ZFHX3: variants seen among roughly 807,000 people sequenced by gnomAD.
The protein encoded by ZFHX3 is zinc finger homeobox 3.
In ZFHX3, 42 loss-of-function variants were observed where a neutral mutation model predicts 279.1. The ratio of observed to expected loss-of-function variants is 0.15; its 90% CI spans 0.12 to 0.19. The LOEUF (loss-of-function observed/expected upper bound fraction) is 0.19, where lower values mean the gene tolerates loss of function less well. ZFHX3 is among the 10% of genes least tolerant of loss of function. The probability of loss-of-function intolerance (pLI) is 1.00; values close to 1 mark genes in which losing one functional copy is unlikely to be tolerated. For synonymous variants in ZFHX3, 2,293 were observed against 1,957.8 expected (o/e 1.17, Z -4.52); for missense variants, 4,981 against 4,754.0 (o/e 1.05, Z -1.40).
At chr16:73,334,172 A>T (rs2015861981) in intron 3 of ZFHX3, among the ~76,000 whole-genome samples, 1 of 152,132 alleles carries the variant, frequency 6.6e-6, no homozygotes, top group Admixed American at 6.5e-5. Context: ...CCAGAGGAGG[A>T]CAGCGTTCTA....
rs76522402 is a variant in ZFHX3, at chr16:72,907,299, T to C, written c.3217-17337A>G. ...ACTGGTATTTTTATAATGGTCTTTCTTCCGGCTTTGATTCATTCATTCATT... is the reference window on the plus strand; with the variant it reads ...ACTGGTATTTTTATAATGGTCTTTCCTCCGGCTTTGATTCATTCATTCATT... On this transcript the variant is annotated intron_variant, in intron 3 of 9. Coordinates refer to ENST00000268489, the MANE Select transcript of ZFHX3 (RefSeq NM_006885.4). Among the ~76,000 whole-genome samples the C allele has an allele frequency of 1.6e-3, 240 of 152,322 alleles. 1 individual carries two copies. Among genetic ancestry groups the C allele is most frequent in the African/African-American group, 5.2e-3 (216 of 41,572 alleles).
At chr16:73,334,473 CCA>C (rs1441667018) in intron 3 of ZFHX3, among the ~76,000 whole-genome samples, 7 of 152,250 alleles carry the variant, frequency 4.6e-5, no homozygotes, top group Non-Finnish European at 8.8e-5. Flanking sequence ...CTCCAGGAGA[CCA>C]CTTCAGCTCT....
intron 2 of ZFHX3, among the ~76,000 whole-genome samples, chr16:73,573,783 T>C (rs1369099202): frequency 6.6e-6 from 1 of 152,208 alleles, no homozygotes; most frequent in Non-Finnish European, 1.5e-5. Flanking sequence ...CCTGTGTATA[T>C]GAATAGAAAA....
intron 2 of ZFHX3, among the ~76,000 whole-genome samples, chr16:73,458,809 C>T (rs1463195106): frequency 6.6e-6 from 1 of 152,176 alleles, no homozygotes; most frequent in African/African-American, 2.4e-5. Flanking sequence ...ACTCTTTTCC[C>T]TGTTTTAAAT....
At chr16:73,625,153 C>T (rs1308416155) in intron 2 of ZFHX3, among the ~76,000 whole-genome samples, 5 of 152,210 alleles carry the variant, frequency 3.3e-5, no homozygotes, top group Non-Finnish European at 7.3e-5. Flanking sequence ...ACATACCATA[C>T]TTTTATTTGC....
At chr16:72,879,107 G>A (rs954581104) in intron 4 of ZFHX3, among the ~76,000 whole-genome samples, 7 of 152,152 alleles carry the variant, frequency 4.6e-5, no homozygotes, top group Non-Finnish European at 1.0e-4. Context: ...AGTGAAGGAC[G>A]GGCTCCGAAT....
intron 8 of ZFHX3, 35 bp from the exon 9 acceptor site, chr16:72,798,749 TAAAG>T (rs775011013): frequency 6.6e-7 from 1 of 1,510,026 alleles, no homozygotes; most frequent in South Asian, 1.4e-5. Context: ...AACCCAAAGA[TAAAG>T]AAGGCTTTGT....
In ZFHX3 at chr16:72,797,970, T is replaced by C. The variant is rs1232621310; in HGVS notation, c.4712A>G (p.His1571Arg). 2.5e-6 allele frequency: 4 copies of C among 1,614,118 alleles called. No homozygotes were observed. The highest frequency in any genetic ancestry group is 2.2e-5 in the East Asian group (1 of 44,900). Reference protein sequence around the residue: ...LVHYNSVSHLHKLKRALQESA... With the variant: ...LVHYNSVSHLRKLKRALQESA... ...TTCTTGAAGGGCTCTCTTTAACTTA[T>C]GCAGGTGGGAGACAGAATTGTAGTG... The change falls in exon 9 of 10, where the codon CAT (histidine) becomes CGT (arginine). Residue 1571 changes from histidine (H) to arginine (R), a missense_variant. Physicochemically the swap from His to Arg is conservative, Grantham distance 29 (BLOSUM62 0). Coordinates refer to ENST00000268489, the MANE Select transcript of ZFHX3 (RefSeq NM_006885.4).
At chr16:73,804,308 A>T (rs1175782596) in intron 1 of ZFHX3, among the ~76,000 whole-genome samples, 1 of 152,230 alleles carries the variant, frequency 6.6e-6, no homozygotes, top group Non-Finnish European at 1.5e-5. Flanking sequence ...TAACAACACA[A>T]TTAAAATACT....
At chr16:73,671,330 G>GA (rs1046931434) in intron 2 of ZFHX3, among the ~76,000 whole-genome samples, 32 of 152,286 alleles carry the variant, frequency 2.1e-4, no homozygotes, top group Middle Eastern at 3.4e-3. Flanking sequence ...GAGGAAAGCG[G>GA]AGCAAAGCCA....
chr16:73,379,798 G>A (rs1332704294), intron 3 of ZFHX3, among the ~76,000 whole-genome samples: 1 of 152,162 alleles, frequency 6.6e-6, no homozygotes, highest in African/African-American at 2.4e-5. Context: ...ACTCTGCAGG[G>A]CACTAATAAT....
chr16:73,637,423 G>A (rs2052537512), intron 2 of ZFHX3, among the ~76,000 whole-genome samples: 1 of 151,606 alleles, frequency 6.6e-6, no homozygotes, highest in Non-Finnish European at 1.5e-5. Flanking sequence ...ACTAGAGACG[G>A]GGTTTCACTA....
chr16:73,819,699 T>C (rs1490165185), intron 1 of ZFHX3, among the ~76,000 whole-genome samples: 1 of 150,828 alleles, frequency 6.6e-6, no homozygotes, highest in Non-Finnish European at 1.5e-5. Context: ...AAGGCAAGAG[T>C]AGGATGGGGG....
chr16:73,465,631 A>C (rs1286877178), intron 2 of ZFHX3, among the ~76,000 whole-genome samples: 2 of 152,146 alleles, frequency 1.3e-5, no homozygotes, highest in African/African-American at 4.8e-5. Flanking sequence ...CCTGCACCCC[A>C]GGTGAGGAGC....
chr16:73,091,055 C>G (rs1966072438), intron 8 of ZFHX3, among the ~76,000 whole-genome samples: 2 of 151,396 alleles, frequency 1.3e-5, no homozygotes, highest in African/African-American at 4.9e-5. Context: ...ACTAAAAATA[C>G]AAAAAATTAA....
In ZFHX3 at chr16:73,261,668, G is replaced by GTTTTTTTTTTTTT. The variant is rs1187489542; in HGVS notation, c.-1193-4545_-1193-4533dup. The stretch of plus-strand genomic sequence containing the variant: ...TATAAATATAAACATTCCTGTGATT[G>GTTTTTTTTTTTTT]TTTTTTTTTTTTTTTTTTTTTTTTA... On this transcript the variant is annotated intron_variant, in intron 4 of 17. Transcript: ENST00000641206. 1.4e-4 allele frequency among the ~76,000 whole-genome samples: 11 copies of GTTTTTTTTTTTTT among 80,702 alleles called. 1 individual carries two copies. The highest frequency in any genetic ancestry group is 2.0e-4 in the Non-Finnish European group (9 of 44,286). 52.9% of individuals were successfully genotyped at this position (80,702 alleles called of 152,430 possible). A position where few individuals can be genotyped will look rare whatever the true frequency, so the allele number is the denominator to read the frequency against.
intron 1 of ZFHX3, among the ~76,000 whole-genome samples, chr16:73,851,660 G>A (rs545254499): frequency 5.9e-5 from 9 of 152,170 alleles, no homozygotes; most frequent in Non-Finnish European, 1.0e-4. Flanking sequence ...TAGAGGGGAC[G>A]ACGAAGCTAA....
chr16:73,311,392 C>T (rs1426427444), intron 4 of ZFHX3, among the ~76,000 whole-genome samples: 2 of 151,726 alleles, frequency 1.3e-5, no homozygotes, highest in African/African-American at 4.8e-5. Flanking sequence ...GTCAGAAGTT[C>T]GAGACCAGCC....
chr16:73,375,245 G>A (rs972386793), intron 3 of ZFHX3, among the ~76,000 whole-genome samples: 1 of 152,080 alleles, frequency 6.6e-6, no homozygotes, highest in Non-Finnish European at 1.5e-5. Context: ...TGAAATTCAT[G>A]GTAGTTATTT....
Sources: gnomAD v4.1 joint callset for allele counts (sites outside exome capture counted in the v4.1 genomes callset) on GRCh38, gnomAD v4.1.1 for gene constraint, MANE v1.5 for transcripts, NCBI Gene and HGNC (gene_info 2026-07-23, HGNC 2026-07-21) for gene names.